The following EML6 variants were observed in gnomAD, a reference collection of about 807,000 sequenced individuals.
EML6 encodes the protein echinoderm microtubule-associated protein-like 6.
Under a neutral mutation model 240.1 loss-of-function variants are expected in EML6, and 154 were observed. The observed-to-expected ratio is 0.64, with a 90% CI of 0.56 to 0.73. EML6 has a LOEUF of 0.73. Among genes scored for constraint, EML6 ranks in the 30% least tolerant of loss-of-function variants. The pLI is 0.00. For missense variants in EML6, 2,964 were observed against 2,474.6 expected (o/e 1.20, Z -4.20); for synonymous variants, 1,148 against 899.0 (o/e 1.28, Z -4.95).
rs773498648 is a variant in EML6 at position 54,797,164 on chromosome 2, C to CAAAAAAAAAAAAAAAAAAAAAAA, written c.198-16065_198-16043dup. 1.0e-3 allele frequency among the ~76,000 whole-genome samples: 44 copies of CAAAAAAAAAAAAAAAAAAAAAAA among 43,826 alleles called. 1 individual carries two copies. The highest frequency in any genetic ancestry group is 3.7e-3 in the East Asian group (4 of 1,094). The allele number at this position is 43,826 out of a possible 152,430, so 28.8% of individuals were successfully genotyped here. A position where few individuals can be genotyped will look rare whatever the true frequency, so the allele number is the denominator to read the frequency against. ...TGGGTGACAGAGCAAGACTCCATCT[C>CAAAAAAAAAAAAAAAAAAAAAAA]AAAAAAAAAAAAAAAAAAAAAAAAA... On this transcript the variant is annotated intron_variant, in intron 2 of 41. Coordinates refer to ENST00000356458, the MANE Select transcript of EML6 (RefSeq NM_001039753.4).
intron 29 of EML6, 63 bp downstream of exon 29, chr2:54,949,023 C>T: frequency 8.3e-7 from 1 of 1,200,364 alleles, no homozygotes; most frequent in Non-Finnish European, 1.2e-6. Context: ...GTAGACATCC[C>T]CATCTGCACG....
chr2:54,838,709 G>C (rs1358905361), intron 7 of EML6, among the ~76,000 whole-genome samples: 1 of 152,084 alleles, frequency 6.6e-6, no homozygotes, highest in South Asian at 2.1e-4. Context: ...GATTTTTTTG[G>C]TTTAGATGGG....
At chr2:54,858,547 G>A (rs762505605) in intron 11 of EML6, among the ~76,000 whole-genome samples, 6 of 152,158 alleles carry the variant, frequency 3.9e-5, no homozygotes, top group Non-Finnish European at 7.3e-5. Context: ...ACTTTATTAC[G>A]AAACTGATTT....
At chr2:54,811,608 C>T (rs1667850501) in intron 2 of EML6, among the ~76,000 whole-genome samples, 1 of 152,190 alleles carries the variant, frequency 6.6e-6, no homozygotes, top group Non-Finnish European at 1.5e-5. Flanking sequence ...GTCTATGGTA[C>T]TGTCCCTGAC....
intron 4 of EML6, among the ~76,000 whole-genome samples, chr2:54,819,194 T>A (rs1027469296): frequency 6.6e-6 from 1 of 152,176 alleles, no homozygotes; most frequent in Non-Finnish European, 1.5e-5. Context: ...CTAGGTTATT[T>A]CTCTGGTCTA....
chr2:54,915,820 G>C (rs1274286704), intron 25 of EML6, among the ~76,000 whole-genome samples: 1 of 152,072 alleles, frequency 6.6e-6, no homozygotes, highest in Non-Finnish European at 1.5e-5. Context: ...TTTAGCTACA[G>C]TTCTCTAATT....
At chr2:54,883,529 C>T (rs1180963387) in intron 17 of EML6, among the ~76,000 whole-genome samples, 4 of 152,142 alleles carry the variant, frequency 2.6e-5, no homozygotes, top group Non-Finnish European at 4.4e-5. Context: ...TGTGCAGTTG[C>T]CCTTGGCCTC....
chr2:54,826,344 A>T (rs929261912), intron 5 of EML6, among the ~76,000 whole-genome samples: 2 of 152,352 alleles, frequency 1.3e-5, no homozygotes, highest in Admixed American at 6.5e-5. Flanking sequence ...CATGAAAACT[A>T]TGTTAAGGTT....
chr2:54,906,763 C>T (rs1673348026), intron 24 of EML6, among the ~76,000 whole-genome samples: 1 of 152,174 alleles, frequency 6.6e-6, no homozygotes, highest in African/African-American at 2.4e-5. Flanking sequence ...ATGTGTCATC[C>T]TGATATTCCT....
At chr2:54,793,084 A>T (rs1487279666) in intron 2 of EML6, among the ~76,000 whole-genome samples, 2 of 152,154 alleles carry the variant, frequency 1.3e-5, no homozygotes, top group Non-Finnish European at 2.9e-5. Context: ...TCTCGTCAAC[A>T]TCGTGTAACT....
At chr2:54,935,888 GGAAT>G (rs1269284309) in intron 28 of EML6, among the ~76,000 whole-genome samples, 5 of 151,988 alleles carry the variant, frequency 3.3e-5, no homozygotes, top group Non-Finnish European at 7.4e-5. Flanking sequence ...AAATTAGCTG[GGAAT>G]GAAAACACAC....
chr2:54,868,035 A>G (rs1573033251), intron 14 of EML6: 1 of 152,224 alleles, frequency 6.6e-6, no homozygotes, highest in African/African-American at 2.4e-5. Flanking sequence ...GATGTTCTGC[A>G]TGTGTAAAAT....
At chr2:54,765,551 G>T (rs1307478764) in intron 2 of EML6, among the ~76,000 whole-genome samples, 3 of 152,060 alleles carry the variant, frequency 2.0e-5, no homozygotes, top group Non-Finnish European at 2.9e-5. Context: ...AGCTCCGCCT[G>T]CCGGGTTCAC....
chr2:54,933,879 A>T (rs1209878609), intron 28 of EML6, among the ~76,000 whole-genome samples: 1 of 152,230 alleles, frequency 6.6e-6, no homozygotes, highest in Non-Finnish European at 1.5e-5. Context: ...AAATTTTCTC[A>T]TCCAGGTCCA....
intron 14 of EML6, chr2:54,867,565 G>A (rs560464880): frequency 3.9e-5 from 6 of 152,318 alleles, no homozygotes; most frequent in East Asian, 1.9e-4. Flanking sequence ...CCAGGAGTTC[G>A]AGACATGGTG....
Position 54,957,825 on chromosome 2 carries a change from C to T in EML6, c.4522C>T (p.Arg1508Cys), listed in dbSNP as rs750197361. ...KVASRGGHLE[R>C]IFVVEFRPDS... ...TGCCAGCCGAGGGGGTCACCTGGAGCGCATATTTGTGGTGGAATTTCGCCC... is the reference window on the plus strand; with the variant it reads ...TGCCAGCCGAGGGGGTCACCTGGAGTGCATATTTGTGGTGGAATTTCGCCC... Residue 1508 changes from arginine (R) to cysteine (C), a missense_variant, in exon 33 of 42, where the codon CGC (arginine) becomes TGC (cysteine). Arg to Cys is a radical substitution (Grantham distance 180, BLOSUM62 -3). Transcript: ENST00000356458. 34 of 1,550,044 alleles carry T rather than the reference C, an allele frequency of 2.2e-5. No homozygotes were observed. Among genetic ancestry groups the T allele is most frequent in the African/African-American group, 8.2e-5 (6 of 72,970 alleles).
At chr2:54,793,208 A>G (rs891801402) in intron 2 of EML6, among the ~76,000 whole-genome samples, 2 of 152,168 alleles carry the variant, frequency 1.3e-5, no homozygotes, top group African/African-American at 4.8e-5. Context: ...TAGAGGCTGC[A>G]GTGAGCCAAA....
intron 7 of EML6, among the ~76,000 whole-genome samples, chr2:54,833,227 G>A (rs547179237): frequency 5.3e-5 from 8 of 152,282 alleles, no homozygotes; most frequent in Admixed American, 1.3e-4. Context: ...CACTTAGTGT[G>A]CCACCTGTAA....
intron 28 of EML6, among the ~76,000 whole-genome samples, chr2:54,939,475 CTG>C (rs1675315177): frequency 6.6e-6 from 1 of 152,212 alleles, no homozygotes; most frequent in South Asian, 2.1e-4. Context: ...TGGATGAGTA[CTG>C]CTTCCAACAG....
Sources: allele counts gnomAD v4.1 joint callset (sites outside exome capture counted in the v4.1 genomes callset), GRCh38; gene constraint gnomAD v4.1.1; transcripts MANE v1.5; gene names NCBI Gene and HGNC (gene_info 2026-07-23, HGNC 2026-07-21).